TMEM117: variants seen among roughly 807,000 people sequenced by gnomAD.
The protein encoded by TMEM117 is transmembrane protein 117.
Under a neutral mutation model 52.4 loss-of-function variants are expected in TMEM117, and 27 were observed. The observed-to-expected ratio is 0.51, with a 90% CI of 0.38 to 0.71. TMEM117 has a LOEUF of 0.71. Ranked by LOEUF, TMEM117 falls within the 30% of genes least tolerant of loss-of-function variation. The pLI, the probability that TMEM117 is intolerant of heterozygous loss-of-function variation, is 0.00. For synonymous variants in TMEM117, 215 were observed against 206.3 expected (o/e 1.04, Z -0.36); for missense variants, 556 against 630.5 (o/e 0.88, Z 1.26).
chr12:44,346,554 G>A (rs1761515132), intron 6 of TMEM117, among the ~76,000 whole-genome samples: 1 of 152,030 alleles, frequency 6.6e-6, no homozygotes, highest in South Asian at 2.1e-4. Context: ...TACTCATTGG[G>A]TCTATTTGTC....
chr12:43,844,932 A>G lies in TMEM117; in HGVS notation c.277+4A>G, dbSNP rs775441902. 2.5e-6 allele frequency: 4 copies of G among 1,611,108 alleles called. No homozygotes were observed. In the African/African-American group the frequency reaches 5.4e-5, roughly 22 times the overall value. Reference sequence around the variant, plus strand: ...CTGTTCCATCAGCGTTTGTTTGGTAAGTACCATGACCCATGAAATGTAATA... The same window carrying G: ...CTGTTCCATCAGCGTTTGTTTGGTAGGTACCATGACCCATGAAATGTAATA... On this transcript the variant is annotated splice_donor_region_variant and intron_variant, in intron 2 of 7. Transcript: ENST00000266534.
chr12:44,206,989 G>T (rs1036142115), intron 4 of TMEM117, among the ~76,000 whole-genome samples: 3 of 152,064 alleles, frequency 2.0e-5, no homozygotes, highest in African/African-American at 7.2e-5. Flanking sequence ...TTTTAAAAAG[G>T]TATGATGGAC....
chr12:44,098,304 G>C (rs1413968199), intron 3 of TMEM117, among the ~76,000 whole-genome samples: 4 of 152,002 alleles, frequency 2.6e-5, no homozygotes, highest in Admixed American at 2.0e-4. Context: ...GCATTGTCCG[G>C]GAGAGAGGCT....
At chr12:44,169,723 G>A (rs1333669187) in intron 4 of TMEM117, among the ~76,000 whole-genome samples, 2 of 151,918 alleles carry the variant, frequency 1.3e-5, no homozygotes, top group South Asian at 4.2e-4. Flanking sequence ...TTGTTTTATT[G>A]CATGTACTTT....
In TMEM117 at chr12:43,877,081, A is replaced by G. The variant is rs555918463; in HGVS notation, c.277+32153A>G. Reference sequence around the variant, plus strand: ...TTTTCTTGAATTTGGGGTGTTTTCTATTTTCCTCTTTTATAAACAGAGCTT... The same window carrying G: ...TTTTCTTGAATTTGGGGTGTTTTCTGTTTTCCTCTTTTATAAACAGAGCTT... On this transcript the variant is annotated intron_variant, in intron 2 of 7. Transcript: ENST00000266534. Among the ~76,000 whole-genome samples, 6 of 152,116 alleles carry G rather than the reference A, an allele frequency of 3.9e-5. No individual in the cohort carries two copies. The East Asian group carries it at 9.7e-4, about 24-fold the overall frequency.
At chr12:43,817,551 T>G in the TMEM117 span, among the ~76,000 whole-genome samples, 1 of 152,202 alleles carries the variant, frequency 6.6e-6, no homozygotes, top group Non-Finnish European at 1.5e-5. Flanking sequence ...GGAAACTATT[T>G]AAATATTTCA....
chr12:44,115,350 C>T (rs1375896376), intron 3 of TMEM117, among the ~76,000 whole-genome samples: 1 of 152,098 alleles, frequency 6.6e-6, no homozygotes, highest in Admixed American at 6.5e-5. Flanking sequence ...GGAGATATAC[C>T]TGATGTAAAT....
At chr12:44,285,961 G>T (rs919130754) in intron 5 of TMEM117, among the ~76,000 whole-genome samples, 1 of 152,016 alleles carries the variant, frequency 6.6e-6, no homozygotes, top group Non-Finnish European at 1.5e-5. Flanking sequence ...AAATTCCATT[G>T]TCATGCCATA....
intron 3 of TMEM117, among the ~76,000 whole-genome samples, chr12:44,028,543 T>G (rs992062328): frequency 3.9e-5 from 6 of 152,160 alleles, no homozygotes; most frequent in African/African-American, 1.4e-4. Context: ...AAAACCAAGA[T>G]GGCCACTAGA....
intron 3 of TMEM117, among the ~76,000 whole-genome samples, chr12:44,071,432 A>G (rs1353776728): frequency 2.0e-5 from 3 of 152,242 alleles, no homozygotes; most frequent in Non-Finnish European, 2.9e-5. Context: ...GGCATAAATA[A>G]TAAAATTAAA....
At chr12:44,133,510 T>G (rs1342645228) in intron 3 of TMEM117, among the ~76,000 whole-genome samples, 3 of 152,186 alleles carry the variant, frequency 2.0e-5, no homozygotes, top group Admixed American at 6.5e-5. Context: ...CTTTTTCTTT[T>G]TGCTTTTTTG....
upstream of TMEM117, among the ~76,000 whole-genome samples, chr12:43,831,412 A>AT (rs1354314698): frequency 6.6e-6 from 1 of 151,742 alleles, no homozygotes; most frequent in Non-Finnish European, 1.5e-5. Flanking sequence ...GCTCTCACCA[A>AT]TTTTTGAAAT....
At chr12:44,016,103 C>T (rs1946369818) in intron 3 of TMEM117, among the ~76,000 whole-genome samples, 1 of 152,196 alleles carries the variant, frequency 6.6e-6, no homozygotes, top group South Asian at 2.1e-4. Flanking sequence ...CAACTCCCTT[C>T]AGTTTTTAGT....
At chr12:44,141,026 T>A (rs1332434840) in intron 3 of TMEM117, among the ~76,000 whole-genome samples, 1 of 152,152 alleles carries the variant, frequency 6.6e-6, no homozygotes, top group East Asian at 1.9e-4. Flanking sequence ...TCTTCACAGT[T>A]CTAACTTTCC....
chr12:43,953,992 T>C (rs1455015928), intron 3 of TMEM117, among the ~76,000 whole-genome samples: 2 of 152,110 alleles, frequency 1.3e-5, no homozygotes, highest in African/African-American at 4.8e-5. Flanking sequence ...AACTCAAGAT[T>C]TAAAAGCCTA....
chr12:44,299,971 C>G (rs1950819065), intron 6 of TMEM117, among the ~76,000 whole-genome samples: 1 of 152,032 alleles, frequency 6.6e-6, no homozygotes, highest in East Asian at 1.9e-4. Flanking sequence ...AGGTGGGCCC[C>G]TAGAAACCAT....
intron 4 of TMEM117, among the ~76,000 whole-genome samples, chr12:44,155,992 C>A (rs1421097873): frequency 6.6e-6 from 1 of 152,020 alleles, no homozygotes; most frequent in African/African-American, 2.4e-5. Flanking sequence ...TTTCTGTCCA[C>A]TAAAATTCAG....
intron 2 of TMEM117, among the ~76,000 whole-genome samples, chr12:43,899,747 A>G (rs1391672362): frequency 1.3e-5 from 2 of 152,252 alleles, no homozygotes; most frequent in Non-Finnish European, 2.9e-5. Flanking sequence ...AGTACTTTAC[A>G]TACATTCTCT....
rs538419658 is a variant in TMEM117 at position 44,058,978 on chromosome 12, T to C, written c.411-84547T>C. On this transcript the variant is annotated intron_variant, in intron 3 of 7. Coordinates refer to ENST00000266534, the MANE Select transcript of TMEM117 (RefSeq NM_032256.3). ...ATCGGGGGATGGGTGGAGGTGGGCA[T>C]ATGGTTTAGGGAAGAAATTTTCACC... Among the ~76,000 whole-genome samples the C allele has an allele frequency of 3.3e-4, 51 of 152,258 alleles. No individual in the cohort carries two copies. In the South Asian group the frequency reaches 0.01, roughly 31 times the overall value.
Sources: gnomAD v4.1 joint callset for allele counts (sites outside exome capture counted in the v4.1 genomes callset) on GRCh38, gnomAD v4.1.1 for gene constraint, MANE v1.5 for transcripts, NCBI Gene and HGNC (gene_info 2026-07-23, HGNC 2026-07-21) for gene names.